Variants in QTMAN observed in about 807,000 individuals in gnomAD.
QTMAN encodes queuosine-tRNA mannosyltransferase.
the QTMAN span, among the ~76,000 whole-genome samples, chr2:144,308,017 A>T: frequency 3.3e-5 from 5 of 152,218 alleles, no homozygotes; most frequent in Non-Finnish European, 7.3e-5. Context: ...TAGAATAGTG[A>T]AAACAATTTC....
chr2:143,954,950 A>G, the QTMAN span, among the ~76,000 whole-genome samples: 2 of 152,168 alleles, frequency 1.3e-5, no homozygotes, highest in Non-Finnish European at 2.9e-5. Context: ...ATTCACTTCA[A>G]TTCATACAAT....
chr2:144,252,296 G>T, the QTMAN span, among the ~76,000 whole-genome samples: 1 of 152,106 alleles, frequency 6.6e-6, no homozygotes, highest in African/African-American at 2.4e-5. Flanking sequence ...AATCACTGGA[G>T]CCCAGGAATT....
At chr2:144,286,675 G>A in the QTMAN span, among the ~76,000 whole-genome samples, 1 of 152,332 alleles carries the variant, frequency 6.6e-6, no homozygotes, top group East Asian at 1.9e-4. Context: ...GTGGAAAGAT[G>A]TGCAGTTACC....
chr2:144,233,890 G>C, the QTMAN span, among the ~76,000 whole-genome samples: 1 of 151,828 alleles, frequency 6.6e-6, no homozygotes, highest in African/African-American at 2.4e-5. Flanking sequence ...ACTTAAAAAG[G>C]GTCCAAGTCA....
chr2:144,108,538 T>C, the QTMAN span, among the ~76,000 whole-genome samples: 5 of 150,702 alleles, frequency 3.3e-5, no homozygotes, highest in Admixed American at 3.3e-4. Context: ...CTGGAGAGGC[T>C]GAGGCAGGAG....
the QTMAN span, among the ~76,000 whole-genome samples, chr2:144,063,923 T>C: frequency 1.3e-5 from 2 of 152,226 alleles, no homozygotes; most frequent in African/African-American, 4.8e-5. Flanking sequence ...GTCATTATTG[T>C]TGTAAGAAAA....
chr2:144,077,166 T>C, the QTMAN span, among the ~76,000 whole-genome samples: 7 of 152,276 alleles, frequency 4.6e-5, no homozygotes, highest in Non-Finnish European at 5.9e-5. Context: ...ACCAGTGCCA[T>C]GTAGGGCAAG....
the QTMAN span, among the ~76,000 whole-genome samples, chr2:144,276,338 C>T: frequency 2.6e-5 from 4 of 151,848 alleles, no homozygotes; most frequent in Non-Finnish European, 4.4e-5. Context: ...TGAGCCACCA[C>T]ACCCAGCCTA....
the QTMAN span, among the ~76,000 whole-genome samples, chr2:144,085,369 C>T: frequency 6.6e-6 from 1 of 152,186 alleles, no homozygotes; most frequent in Non-Finnish European, 1.5e-5. Context: ...AACGGGATGA[C>T]AAGTAGACTG....
chr2:144,143,369 A>G, the QTMAN span, among the ~76,000 whole-genome samples: 3 of 152,130 alleles, frequency 2.0e-5, no homozygotes, highest in East Asian at 3.9e-4. Flanking sequence ...ACACCACAGA[A>G]TAAGTAGAGC....
chr2:143,982,853 C>CAAAAAAAAAAAAAAA, the QTMAN span, among the ~76,000 whole-genome samples: 1 of 61,006 alleles, frequency 1.6e-5, no homozygotes, highest in Non-Finnish European at 3.7e-5. Flanking sequence ...GACTCTGTCT[C>CAAAAAAAAAAAAAAA]AAAAAAAAAA....
the QTMAN span, among the ~76,000 whole-genome samples, chr2:144,321,328 C>T: frequency 6.6e-6 from 1 of 152,164 alleles, no homozygotes; most frequent in East Asian, 1.9e-4. Flanking sequence ...GAAGAGTTTC[C>T]TGCCACTGCT....
At chr2:144,145,732 A>G in the QTMAN span, 1 of 1,609,292 alleles carries the variant, frequency 6.2e-7, no homozygotes, top group East Asian at 2.2e-5. Context: ...GAACTTGCAA[A>G]GAGGGTCCTA....
chr2:144,204,966 G>A, the QTMAN span, among the ~76,000 whole-genome samples: 1 of 136,618 alleles, frequency 7.3e-6, no homozygotes. Flanking sequence ...ACACAGGAAG[G>A]GGAACATCAC....
At chr2:144,046,778 G>T in the QTMAN span, among the ~76,000 whole-genome samples, 1 of 152,074 alleles carries the variant, frequency 6.6e-6, no homozygotes, top group Non-Finnish European at 1.5e-5. Flanking sequence ...AATATTCTAT[G>T]ATCTCACATA....
the QTMAN span, among the ~76,000 whole-genome samples, chr2:143,998,191 A>C: frequency 6.6e-6 from 1 of 152,074 alleles, no homozygotes; most frequent in African/African-American, 2.4e-5. Flanking sequence ...CTCATCTCAG[A>C]AACATATCTA....
the QTMAN span, among the ~76,000 whole-genome samples, chr2:144,066,484 A>G: frequency 2.6e-5 from 4 of 152,188 alleles, no homozygotes; most frequent in African/African-American, 9.7e-5. Flanking sequence ...TTCAAATGCA[A>G]TTTGGGAATT....
the QTMAN span, among the ~76,000 whole-genome samples, chr2:144,250,764 A>C: frequency 6.6e-6 from 1 of 151,904 alleles, no homozygotes. Context: ...AAAAAAAAAA[A>C]AAAAAAAACC....
At chr2:144,236,073 A>G in the QTMAN span, among the ~76,000 whole-genome samples, 1 of 151,850 alleles carries the variant, frequency 6.6e-6, no homozygotes, top group Non-Finnish European at 1.5e-5. Flanking sequence ...ATATATGTAA[A>G]ATTTGTGGGT....
Sources: gnomAD v4.1 joint callset for allele counts (sites outside exome capture counted in the v4.1 genomes callset) on GRCh38, gnomAD v4.1.1 for gene constraint, MANE v1.5 for transcripts, NCBI Gene and HGNC (gene_info 2026-07-23, HGNC 2026-07-21) for gene names.